TTC3: variants seen among roughly 807,000 people sequenced by gnomAD.
The protein encoded by TTC3 is tetratricopeptide repeat domain 3.
Under a neutral mutation model 249.6 loss-of-function variants are expected in TTC3, and 180 were observed. That is an observed-to-expected ratio of 0.72 (90% CI 0.64 to 0.82). The LOEUF is 0.82. Among genes scored for constraint, TTC3 ranks in the 40% least tolerant of loss-of-function variants. TTC3 has a pLI of 0.00. For synonymous variants in TTC3, 717 were observed against 805.0 expected, an observed-to-expected ratio of 0.89 and a Z score of 1.85; for missense variants, 2,061 against 2,398.4, an observed-to-expected ratio of 0.86 and a Z score of 2.94.
intron 1 of TTC3, chr21:37,085,875 A>G (rs541315647): frequency 6.6e-6 from 1 of 152,336 alleles, no homozygotes; most frequent in African/African-American, 2.4e-5. Context: ...ATGTAGTAAA[A>G]GAGAGTGTTT....
chr21:37,194,410 C>T (rs1166479696), intron 41 of TTC3: 3 of 152,128 alleles, frequency 2.0e-5, no homozygotes, highest in African/African-American at 4.8e-5. Flanking sequence ...GCTCCCTGCC[C>T]GCGAGCCACT....
At chr21:37,122,437 T>TATATATAATATATATATATATATTATA (rs913030475) in intron 12 of TTC3, among the ~76,000 whole-genome samples, 2 of 28,546 alleles carry the variant, frequency 7.0e-5, no homozygotes, top group African/African-American at 1.8e-4. Flanking sequence ...TATATATATA[T>TATATATAATATATATATATATATTATA]TATATATATA....
intron 35 of TTC3, among the ~76,000 whole-genome samples, chr21:37,173,920 C>T (rs73204058): frequency 0.13 from 19,046 of 152,216 alleles, 1,348 homozygotes; most frequent in Admixed American, 0.16. Flanking sequence ...TTTCTATAAG[C>T]TACTTGTGGG....
In TTC3 at chr21:37,093,958, T is replaced by G. The variant is rs755696229; in HGVS notation, c.602-47T>G. On this transcript the variant is annotated intron_variant, in intron 7 of 45. Transcript: ENST00000355666. ...ATATTATCAATACCAATTTGTTTTT[T>G]TTTAAACAAATGTTCTCTCTTGCTC... 6 of 1,300,770 alleles carry G rather than the reference T, an allele frequency of 4.6e-6. No homozygotes were observed. In the African/African-American group the frequency reaches 8.9e-5, roughly 19 times the overall value. The allele number at this position is 1,300,770 out of a possible 1,614,324, so 80.6% of individuals were successfully genotyped here.
At chr21:37,159,797 A>C (rs990779334) in intron 29 of TTC3, 52 bp downstream of exon 29, 5 of 1,558,758 alleles carry the variant, frequency 3.2e-6, no homozygotes, top group Non-Finnish European at 4.4e-6. Flanking sequence ...TGTTAAACCA[A>C]GGATGAGAAG....
chr21:37,184,630 T>A (rs1332521426), intron 36 of TTC3, among the ~76,000 whole-genome samples: 1 of 27,872 alleles, frequency 3.6e-5, no homozygotes, highest in Non-Finnish European at 5.5e-5. Flanking sequence ...AATTTTTCTA[T>A]TTTTTTTTTT....
intron 35 of TTC3, among the ~76,000 whole-genome samples, chr21:37,175,395 G>C (rs529832593): frequency 6.6e-6 from 1 of 151,598 alleles, no homozygotes; most frequent in East Asian, 1.9e-4. Flanking sequence ...TCAGGAGTTG[G>C]AGACCAGCCT....
intron 1 of TTC3, chr21:37,086,267 A>G (rs1428249738): frequency 6.6e-6 from 1 of 152,196 alleles, no homozygotes; most frequent in East Asian, 1.9e-4. Context: ...TAGGATAATA[A>G]TGGTGAAGTG....
exon 18 of TTC3, chr21:37,135,481 G>A (rs1343062392): frequency 1.1e-5 from 18 of 1,613,876 alleles, no homozygotes; most frequent in Non-Finnish European, 1.4e-5. Context: ...CCTTTACAGA[G>A]TTGCTGAACG....
At chr21:37,109,220 C>G (rs150322032) in intron 11 of TTC3, among the ~76,000 whole-genome samples, 1 of 152,240 alleles carries the variant, frequency 6.6e-6, no homozygotes, top group East Asian at 1.9e-4. Flanking sequence ...GGGTGCAGGA[C>G]AGTGAGTGCA....
chr21:37,163,786 T>G (rs186669963), intron 31 of TTC3, among the ~76,000 whole-genome samples: 2 of 152,360 alleles, frequency 1.3e-5, no homozygotes, highest in East Asian at 1.9e-4. Flanking sequence ...TTTAAAAATA[T>G]GGAGTTTTAA....
chr21:37,174,388 C>T (rs543958558), intron 35 of TTC3, among the ~76,000 whole-genome samples: 1 of 152,290 alleles, frequency 6.6e-6, no homozygotes, highest in South Asian at 2.1e-4. Flanking sequence ...CAGGATAAGT[C>T]GCTAATCTGA....
At position 37,138,614 on chromosome 21, in the gene TTC3, T is replaced by C. The variant is rs1180393179; in HGVS notation, c.1579-20T>C. The C allele has an allele frequency of 6.3e-7, 1 of 1,598,272 alleles. No homozygotes were observed. Among genetic ancestry groups the C allele is most frequent in the East Asian group, 2.2e-5 (1 of 44,678 alleles). ...GCAGAATTATATTCAGATTTTTAAC[T>C]GAGGCATTTTTATTGACAGCAATTG... On this transcript the variant is annotated intron_variant, in intron 18 of 45. Transcript: ENST00000355666.
At chr21:37,095,542 A>G (rs1275599789) in intron 9 of TTC3, 98 bp downstream of exon 9, 4 of 813,220 alleles carry the variant, frequency 4.9e-6, no homozygotes, top group Non-Finnish European at 7.6e-6. Context: ...ATTGGAGAGT[A>G]TCTTCCAACT....
intron 35 of TTC3, among the ~76,000 whole-genome samples, chr21:37,180,295 C>A (rs952411713): frequency 2.6e-5 from 4 of 152,124 alleles, no homozygotes; most frequent in Non-Finnish European, 5.9e-5. Flanking sequence ...ATATTACTCT[C>A]ACTCATGGTT....
chr21:37,150,062 T>C lies in TTC3; in HGVS notation c.2119-16T>C. The C allele has an allele frequency of 6.4e-7, 1 of 1,572,310 alleles. No homozygotes were observed. Among genetic ancestry groups the C allele is most frequent in the South Asian group, 1.1e-5 (1 of 87,584 alleles). On this transcript the variant is annotated splice_polypyrimidine_tract_variant and intron_variant, in intron 23 of 45. Transcript: ENST00000355666. ...ACATAACATTTTTCTTGTTTTTTTT[T>C]TTTTTAATCAAATAGGATTTTCTAC...
chr21:37,194,278 C>G (rs900023258), intron 41 of TTC3, among the ~76,000 whole-genome samples: 16 of 152,174 alleles, frequency 1.1e-4, no homozygotes, highest in Non-Finnish European at 2.1e-4. Context: ...TGGAAAATTC[C>G]AGAAATACAT....
intron 11 of TTC3, among the ~76,000 whole-genome samples, chr21:37,113,276 A>T: frequency 6.6e-6 from 1 of 152,218 alleles, no homozygotes; most frequent in Non-Finnish European, 1.5e-5. Context: ...ACATGATTGT[A>T]TATCTAGAAA....
intron 9 of TTC3, among the ~76,000 whole-genome samples, chr21:37,096,057 G>T (rs983074411): frequency 6.6e-6 from 1 of 152,228 alleles, no homozygotes; most frequent in African/African-American, 2.4e-5. Flanking sequence ...AGGGAATCCG[G>T]TTAGTGTACC....
Sources: allele counts gnomAD v4.1 joint callset (sites outside exome capture counted in the v4.1 genomes callset), GRCh38; gene constraint gnomAD v4.1.1; transcripts MANE v1.5; gene names NCBI Gene and HGNC (gene_info 2026-07-23, HGNC 2026-07-21).